The following ZNF8 variants were observed in gnomAD, a reference collection of about 807,000 sequenced individuals.
ZNF8 encodes zinc finger protein 272.
ZNF8 carries 9 observed loss-of-function variants against 12.2 expected under a neutral mutation model. The observed-to-expected ratio is 0.73, with a 90% CI of 0.44 to 1.28. ZNF8 has a LOEUF of 1.28. ZNF8 is among the 50% of genes most tolerant of loss of function. The pLI is 0.00. For synonymous variants in ZNF8, 274 were observed against 282.3 expected (o/e 0.97, Z 0.30); for missense variants, 664 against 729.1 (o/e 0.91, Z 1.03).
chr19:58,283,100 C>T (rs2051360870), intron 1 of ZNF8, among the ~76,000 whole-genome samples: 1 of 151,776 alleles, frequency 6.6e-6, no homozygotes, highest in African/African-American at 2.4e-5. Flanking sequence ...ACATCAGCCT[C>T]CCAAGTAGCT....
At chr19:58,287,370 T>C (rs2051390299) in intron 3 of ZNF8, among the ~76,000 whole-genome samples, 1 of 148,414 alleles carries the variant, frequency 6.7e-6, no homozygotes, top group South Asian at 2.2e-4. Context: ...CCGTCTCTGT[T>C]GCATAAGCTG....
At position 58,294,342 on chromosome 19, in the gene ZNF8, C is replaced by T; in HGVS notation, c.534C>T (p.Leu178=). The T allele has an allele frequency of 6.2e-7, 1 of 1,614,180 alleles. No homozygotes were observed. The highest frequency in any genetic ancestry group is 8.5e-7 in the Non-Finnish European group (1 of 1,180,042). ...VQDQGYKTLR[L]RENCVLSSSP... ...ATCAAGGCTACAAAACTCTCAGACT[C>T]AGGGAAAACTGCGTCCTGAGTTCAA... The change falls in exon 4 of 4, where the codon CTC becomes CTT. Residue 178 remains leucine, a synonymous_variant. Coordinates refer to ENST00000621650, the MANE Select transcript of ZNF8 (RefSeq NM_021089.3). This position sits in a 1 kb window ranked among gnomAD's most constrained non-coding sequence, Gnocchi z 5.5.
intron 1 of ZNF8, chr19:58,279,351 C>A: frequency 6.8e-7 from 1 of 1,465,154 alleles, no homozygotes; most frequent in Non-Finnish European, 9.0e-7. Flanking sequence ...CGCCTGGCCC[C>A]CGAATGCGCA....
Position 58,299,875 on chromosome 19 carries a change from C to T in ZNF8, c.*4339C>T, listed in dbSNP as rs1353098569. 6.6e-6 allele frequency: 1 copy of T among 152,202 alleles called. No homozygotes were observed. Among genetic ancestry groups the T allele is most frequent in the Non-Finnish European group, 1.5e-5 (1 of 68,058 alleles). 9.4% of individuals were successfully genotyped at this position (152,202 alleles called of 1,614,324 possible). A position where few individuals can be genotyped will look rare whatever the true frequency, so the allele number is the denominator to read the frequency against. On this transcript the variant is annotated 3_prime_UTR_variant, in exon 4 of 4. Coordinates refer to ENST00000621650, the MANE Select transcript of ZNF8 (RefSeq NM_021089.3). ...AGAGCTGGCCTCCAGGATGCCAGAGCCAGAGCTTTGTGGTTCATCTCTAGA... is the reference window on the plus strand; with the variant it reads ...AGAGCTGGCCTCCAGGATGCCAGAGTCAGAGCTTTGTGGTTCATCTCTAGA...
chr19:58,281,718 T>C lies in ZNF8; in HGVS notation c.66+2571T>C, dbSNP rs1387846263. On this transcript the variant is annotated intron_variant, in intron 1 of 3. Coordinates refer to ENST00000621650, the MANE Select transcript of ZNF8 (RefSeq NM_021089.3). The stretch of plus-strand genomic sequence containing the variant: ...CAGTTCCCAACCAAAGGCATCTTTC[T>C]GTATGTTTCCTATTAGAGCCACCTG... 2.0e-5 allele frequency among the ~76,000 whole-genome samples: 3 copies of C among 152,210 alleles called. No homozygotes were observed. The East Asian group carries it at 5.8e-4, about 29-fold the overall frequency.
At chr19:58,279,522 C>T (rs1385367973) in intron 1 of ZNF8, 1 of 1,499,374 alleles carries the variant, frequency 6.7e-7, no homozygotes, top group Non-Finnish European at 8.9e-7. Context: ...TAGCGTTGGC[C>T]GGGTGCCCAG....
chr19:58,294,787 C>T lies in ZNF8; in HGVS notation c.979C>T (p.His327Tyr). The T allele has an allele frequency of 1.2e-6, 2 of 1,614,184 alleles. No individual in the cohort carries two copies. Among genetic ancestry groups the T allele is most frequent in the Non-Finnish European group, 1.7e-6 (2 of 1,180,036 alleles). ...ECGKSFCHST[H>Y]LTVHRRIHTG... is the part of the protein sequence containing the mutation. ...TGGGAAGTCTTTCTGCCATAGTACA[C>T]ACCTTACCGTCCATCGGAGGATTCA... Residue 327 changes from histidine to tyrosine, a missense_variant, in exon 4 of 4, where the codon CAC becomes TAC. Around this residue, in one of 3 missense-constraint regions of ZNF8, gnomAD observed 133 missense variants for 198.4 expected, o/e 0.67. Transcript: ENST00000621650. This position sits in a 1 kb window ranked among gnomAD's most constrained non-coding sequence, Gnocchi z 5.5.
At chr19:58,286,292 G>A (rs963232557) in intron 3 of ZNF8, 87 bp downstream of exon 3, 6 of 1,186,762 alleles carry the variant, frequency 5.1e-6, no homozygotes, top group Non-Finnish European at 7.3e-6. Context: ...GGTGGTTGGT[G>A]GTCCTGAAGA....
chr19:58,287,460 G>A (rs2051390692), intron 3 of ZNF8, among the ~76,000 whole-genome samples: 1 of 150,330 alleles, frequency 6.7e-6, no homozygotes, highest in African/African-American at 2.5e-5. Flanking sequence ...AGCCTCTTGA[G>A]TAGCTGGGAC....
Position 58,293,726 on chromosome 19 carries a change from C to T in ZNF8, c.290-372C>T, listed in dbSNP as rs184564139. ...CAGGAATGCAGGCAGCCTCTAGGAA[C>T]GGGAAGATGCAAGGATTTTCCCCAG... On this transcript the variant is annotated intron_variant, in intron 3 of 3. Coordinates refer to ENST00000621650, the MANE Select transcript of ZNF8 (RefSeq NM_021089.3). Among the ~76,000 whole-genome samples the T allele has an allele frequency of 2.5e-3, 388 of 152,284 alleles. 2 individuals are homozygous for T. Among genetic ancestry groups the T allele is most frequent in the Admixed American group, 3.9e-3 (60 of 15,286 alleles).
rs961438173 is a variant in ZNF8, at chr19:58,302,663, A to G, written c.*7127A>G. On this transcript the variant is annotated 3_prime_UTR_variant, in exon 4 of 4. Coordinates refer to ENST00000621650, the MANE Select transcript of ZNF8 (RefSeq NM_021089.3). Reference sequence around the variant, plus strand: ...CAAAGGGGGCATTGGAGGGGTTCTTATACATTTACAGTGGGAATGTGAATT... The same window carrying G: ...CAAAGGGGGCATTGGAGGGGTTCTTGTACATTTACAGTGGGAATGTGAATT... 1 of 152,222 alleles carries G rather than the reference A, an allele frequency of 6.6e-6. No homozygotes were observed. Among genetic ancestry groups the G allele is most frequent in the Non-Finnish European group, 1.5e-5 (1 of 68,044 alleles). The allele number at this position is 152,222 out of a possible 1,614,324, so 9.4% of individuals were successfully genotyped here. A position where few individuals can be genotyped will look rare whatever the true frequency, so the allele number is the denominator to read the frequency against.
intron 3 of ZNF8, among the ~76,000 whole-genome samples, chr19:58,289,536 T>C (rs945078748): frequency 3.3e-5 from 5 of 151,772 alleles, no homozygotes; most frequent in Non-Finnish European, 7.4e-5. Flanking sequence ...TATTTTCTTA[T>C]AGTTGTGGAG....
At chr19:58,292,359 C>G (rs2051424816) in intron 3 of ZNF8, among the ~76,000 whole-genome samples, 1 of 152,144 alleles carries the variant, frequency 6.6e-6, no homozygotes, top group South Asian at 2.1e-4. Context: ...GCCCCTTCCT[C>G]AATTGCAGAA....
chr19:58,282,775 A>C (rs2051358533), intron 1 of ZNF8, among the ~76,000 whole-genome samples: 1 of 150,276 alleles, frequency 6.7e-6, no homozygotes, highest in African/African-American at 2.5e-5. Flanking sequence ...CTACAGGAGC[A>C]CGCTGCCACG....
At position 58,295,059 on chromosome 19, in the gene ZNF8, G is replaced by A. The variant is rs756140338; in HGVS notation, c.1251G>A (p.Arg417=). 10 of 1,614,116 alleles carry A rather than the reference G, an allele frequency of 6.2e-6. No homozygotes were observed. The highest frequency in any genetic ancestry group is 8.5e-6 in the Non-Finnish European group (10 of 1,179,994). The change falls in exon 4 of 4, where the codon CGG becomes CGA. Residue 417 remains arginine, a synonymous_variant. Transcript: ENST00000621650. ...RHSSSLAQHQ[R]KHAGEKPFEC... is the part of the protein sequence containing the mutation. ...GCTCATCCCTGGCCCAGCACCAGCG[G>A]AAGCACGCGGGGGAGAAGCCCTTTG...
At chr19:58,279,211 C>T (rs1161672009) in intron 1 of ZNF8, 64 bp downstream of exon 1, 1 of 1,538,908 alleles carries the variant, frequency 6.5e-7, no homozygotes, top group East Asian at 2.4e-5. Flanking sequence ...GCAGACTGAC[C>T]CTTTCACCTC....
chr19:58,282,800 G>A (rs10420807), intron 1 of ZNF8, among the ~76,000 whole-genome samples: 1 of 151,168 alleles, frequency 6.6e-6, no homozygotes, highest in African/African-American at 2.4e-5. Context: ...GCTAATTTTT[G>A]ATATTTTAGT....
At position 58,285,706 on chromosome 19, in the gene ZNF8, T is replaced by C; in HGVS notation, c.67-11T>C. On this transcript the variant is annotated splice_polypyrimidine_tract_variant and intron_variant, in intron 1 of 3. Coordinates refer to ENST00000621650, the MANE Select transcript of ZNF8 (RefSeq NM_021089.3). ...TAGTCCAGCTGATTGAGAATGTGTG[T>C]GATGTTTCAGGAACCAGTGACCTTC... The C allele has an allele frequency of 1.2e-6, 2 of 1,614,188 alleles. No individual in the cohort carries two copies. Among genetic ancestry groups the C allele is most frequent in the Non-Finnish European group, 1.7e-6 (2 of 1,180,030 alleles).
intron 3 of ZNF8, among the ~76,000 whole-genome samples, chr19:58,289,603 A>G (rs1026413287): frequency 5.3e-5 from 8 of 151,976 alleles, no homozygotes; most frequent in Admixed American, 1.3e-4. Context: ...CCCAGAGAGA[A>G]TGCATTTCTG....
Sources: gnomAD v4.1 joint callset for allele counts (sites outside exome capture counted in the v4.1 genomes callset) on GRCh38, gnomAD v4.1.1 for gene constraint, gnomAD v4.1.1 regional missense constraint, Gnocchi (gnomAD v3.1) non-coding constraint, MANE v1.5 for transcripts, NCBI Gene and HGNC (gene_info 2026-07-23, HGNC 2026-07-21) for gene names.